Variants in EBF2 observed in about 807,000 individuals in gnomAD.
EBF2 encodes transcription factor COE2.
In EBF2, 21 loss-of-function variants were observed where a neutral mutation model predicts 72.8. That is an observed-to-expected ratio of 0.29 (90% CI 0.20 to 0.42). The LOEUF (loss-of-function observed/expected upper bound fraction) is 0.42. EBF2 is among the 10% of genes least tolerant of loss of function. EBF2 has a pLI of 1.00. For missense variants in EBF2, 637 were observed against 731.2 expected (o/e 0.87, Z 1.49); for synonymous variants, 299 against 274.2 (o/e 1.09, Z -0.89).
intron 2 of EBF2, chr8:26,041,251 G>A (rs1406682831): frequency 1.4e-5 from 8 of 561,686 alleles, no homozygotes; most frequent in Non-Finnish European, 2.2e-5. Context: ...GTCCTCAGAA[G>A]TGTGACCCTT....
In EBF2 at chr8:25,986,823, C is replaced by G. The variant is rs143275550; in HGVS notation, c.551+46262G>C. 2.4e-3 allele frequency among the ~76,000 whole-genome samples: 360 copies of G among 152,250 alleles called. 3 individuals carry two copies. The highest frequency in any genetic ancestry group is 8.5e-3 in the South Asian group (41 of 4,818). ...GGATAAGAATAGAGTTGATTGTAAGCCAGCATGTTCCAAGATTTGTAAGCA... is the reference window on the plus strand; with the variant it reads ...GGATAAGAATAGAGTTGATTGTAAGGCAGCATGTTCCAAGATTTGTAAGCA... On this transcript the variant is annotated intron_variant, in intron 6 of 15. Transcript: ENST00000520164.
At chr8:25,959,081 G>A (rs762523815) in intron 6 of EBF2, among the ~76,000 whole-genome samples, 11 of 152,164 alleles carry the variant, frequency 7.2e-5, no homozygotes, top group African/African-American at 2.4e-4. Flanking sequence ...TGGACTTTTC[G>A]TAAAGTGGAG....
At chr8:25,934,751 G>A (rs947172778) in intron 6 of EBF2, among the ~76,000 whole-genome samples, 1 of 152,196 alleles carries the variant, frequency 6.6e-6, no homozygotes, top group Non-Finnish European at 1.5e-5. Context: ...GTGCCTTAGA[G>A]CACACGTACG....
At chr8:25,867,149 GTTA>G (rs1802345473) in intron 10 of EBF2, among the ~76,000 whole-genome samples, 1 of 152,134 alleles carries the variant, frequency 6.6e-6, no homozygotes, top group Non-Finnish European at 1.5e-5. Context: ...ATCAGTTATT[GTTA>G]TTGCTGTCAG....
chr8:25,911,515 TTACTC>T lies in EBF2; in HGVS notation c.552-2965_552-2961del, dbSNP rs776062374. Among the ~76,000 whole-genome samples the T allele has an allele frequency of 4.0e-4, 61 of 152,298 alleles. 1 individual carries two copies. The highest frequency in any genetic ancestry group is 1.2e-3 in the African/African-American group (51 of 41,572). ...CAGGAGAATGTACCAGAGCATTCCT[TTACTC>T]TACAGATCCATTGGAAATGCCCCAA... On this transcript the variant is annotated intron_variant, in intron 6 of 15. Coordinates refer to ENST00000520164, the MANE Select transcript of EBF2 (RefSeq NM_022659.4).
At position 26,039,437 on chromosome 8, in the gene EBF2, T is replaced by C. The variant is rs116234833; in HGVS notation, c.482+591A>G. 6.3e-3 allele frequency among the ~76,000 whole-genome samples: 952 copies of C among 152,292 alleles called. 5 individuals are homozygous for C. The highest frequency in any genetic ancestry group is 0.021 in the African/African-American group (892 of 41,570). On this transcript the variant is annotated intron_variant, in intron 5 of 15. Coordinates refer to ENST00000520164, the MANE Select transcript of EBF2 (RefSeq NM_022659.4). ...TGCCCCTCCTAACGCTGGTGGGAAC[T>C]GGACTGATCTTTCTTCCAGGTAGTT...
chr8:25,893,735 C>T (rs906711792), intron 7 of EBF2, among the ~76,000 whole-genome samples: 4 of 152,302 alleles, frequency 2.6e-5, no homozygotes, highest in East Asian at 1.9e-4. Context: ...CCCACACATT[C>T]CTGCCACAAA....
intron 6 of EBF2, among the ~76,000 whole-genome samples, chr8:26,020,948 G>A (rs1365251139): frequency 6.6e-6 from 1 of 152,120 alleles, no homozygotes. Context: ...CCACAACCAA[G>A]AAGAGAGAGT....
intron 6 of EBF2, among the ~76,000 whole-genome samples, chr8:25,943,311 CAAAAAAAAAA>C (rs71551840): frequency 1.7e-5 from 1 of 59,158 alleles, no homozygotes; most frequent in Non-Finnish European, 4.1e-5. Context: ...TGTCTCTACA[CAAAAAAAAAA>C]AAAAAAAAAA....
In EBF2 at chr8:25,950,331, T is replaced by G. The variant is rs545222280; in HGVS notation, c.552-41776A>C. On this transcript the variant is annotated intron_variant, in intron 6 of 15. Transcript: ENST00000520164. ...TCATATTAGATTTACACACTTTTAT[T>G]AAAAGTAATGGAAATGTACAATGAA... Among the ~76,000 whole-genome samples the G allele has an allele frequency of 1.6e-4, 24 of 152,322 alleles. No homozygotes were observed. The East Asian group carries it at 3.9e-3, about 24-fold the overall frequency.
chr8:26,040,832 G>T lies in EBF2; in HGVS notation c.352+107C>A, dbSNP rs552936507. 30 of 1,538,104 alleles carry T rather than the reference G, an allele frequency of 2.0e-5. No homozygotes were observed. In the African/African-American group the frequency reaches 3.5e-4, roughly 18 times the overall value. On this transcript the variant is annotated intron_variant, in intron 3 of 15. Transcript: ENST00000520164. ...CCCTGTCCCAGGCAAGCCTCCCGCC[G>T]CCCTGGGCTCCATGCGATCCCTGAG...
At chr8:26,042,423 G>A (rs1015818852) in intron 1 of EBF2, among the ~76,000 whole-genome samples, 172 bp from the exon 2 acceptor site, 1 of 152,194 alleles carries the variant, frequency 6.6e-6, no homozygotes, top group Non-Finnish European at 1.5e-5. Flanking sequence ...ACTCCTTAAA[G>A]GAGTCACCGT....
At chr8:25,998,508 A>G (rs1034201353) in intron 6 of EBF2, among the ~76,000 whole-genome samples, 1 of 152,220 alleles carries the variant, frequency 6.6e-6, no homozygotes, top group Non-Finnish European at 1.5e-5. Context: ...AAACTGCTGT[A>G]ATTTGAATAA....
At chr8:25,891,396 A>C (rs1333829262) in intron 7 of EBF2, among the ~76,000 whole-genome samples, 29 of 152,086 alleles carry the variant, frequency 1.9e-4, no homozygotes, top group Admixed American at 1.9e-3. Flanking sequence ...AAAAGAACTT[A>C]TTATATACAT....
At chr8:26,023,793 G>C (rs923136012) in intron 6 of EBF2, among the ~76,000 whole-genome samples, 1 of 152,092 alleles carries the variant, frequency 6.6e-6, no homozygotes, top group East Asian at 1.9e-4. Flanking sequence ...CTGGGGGAGG[G>C]GAAGCAGGGT....
intron 6 of EBF2, among the ~76,000 whole-genome samples, chr8:25,937,595 C>T (rs979393483): frequency 1.3e-5 from 2 of 152,168 alleles, no homozygotes; most frequent in South Asian, 2.1e-4. Flanking sequence ...CACGTTTTTC[C>T]TTCCTCATTT....
chr8:26,002,795 T>C (rs1008121423), intron 6 of EBF2, among the ~76,000 whole-genome samples: 3 of 151,810 alleles, frequency 2.0e-5, no homozygotes, highest in African/African-American at 7.3e-5. Context: ...TGGCTGCTTG[T>C]GGTTGCAGAT....
At chr8:25,933,613 A>C (rs1803519042) in intron 6 of EBF2, among the ~76,000 whole-genome samples, 1 of 152,206 alleles carries the variant, frequency 6.6e-6, no homozygotes, top group Non-Finnish European at 1.5e-5. Context: ...GATATACCCA[A>C]AGCTTTATCT....
chr8:26,028,686 T>A (rs1054090785), intron 6 of EBF2, among the ~76,000 whole-genome samples: 5 of 152,206 alleles, frequency 3.3e-5, no homozygotes, highest in African/African-American at 1.2e-4. Context: ...ACAACCAAGT[T>A]TGAATTAGAG....
Sources: gnomAD v4.1 joint callset for allele counts (sites outside exome capture counted in the v4.1 genomes callset) on GRCh38, gnomAD v4.1.1 for gene constraint, MANE v1.5 for transcripts, NCBI Gene and HGNC (gene_info 2026-07-23, HGNC 2026-07-21) for gene names.